CDH17: variants seen among roughly 807,000 people sequenced by gnomAD.
CDH17 encodes cadherin 17, also known as cadherin-17.
Under a neutral mutation model 86.3 loss-of-function variants are expected in CDH17, and 67 were observed. The ratio of observed to expected loss-of-function variants is 0.78; its 90% CI spans 0.64 to 0.95. CDH17 has a LOEUF of 0.95. CDH17 is among the 40% of genes least tolerant of loss of function. CDH17 has a pLI of 0.00. For synonymous variants in CDH17, 367 were observed against 366.4 expected, an observed-to-expected ratio of 1.00 and a Z score of -0.02; for missense variants, 993 against 1,017.6, an observed-to-expected ratio of 0.98 and a Z score of 0.33.
chr8:94,194,060 C>A (rs1422177812), intron 2 of CDH17, among the ~76,000 whole-genome samples: 1 of 152,050 alleles, frequency 6.6e-6, no homozygotes, highest in African/African-American at 2.4e-5. Flanking sequence ...AAAAAAGGCA[C>A]CTACTGTTTA....
intron 12 of CDH17, among the ~76,000 whole-genome samples, chr8:94,152,688 A>G (rs1279684537): frequency 1.3e-5 from 2 of 152,138 alleles, no homozygotes; most frequent in Non-Finnish European, 2.9e-5. Context: ...ATGAGCCACC[A>G]TGCCTGGCTG....
chr8:94,204,072 A>C (rs966974294), intron 1 of CDH17, among the ~76,000 whole-genome samples: 10 of 152,202 alleles, frequency 6.6e-5, no homozygotes, highest in Non-Finnish European at 1.2e-4. Context: ...GATTGATATA[A>C]TCAATTATAA....
chr8:94,166,221 C>T (rs1380426404), intron 9 of CDH17, among the ~76,000 whole-genome samples: 1 of 152,150 alleles, frequency 6.6e-6, no homozygotes, highest in African/African-American at 2.4e-5. Context: ...TTTCACAGTT[C>T]TGGAGGCCAG....
At chr8:94,211,941 A>G (rs182170472), upstream of CDH17, among the ~76,000 whole-genome samples, 73 of 152,366 alleles carry the variant, frequency 4.8e-4, no homozygotes, top group South Asian at 0.01. Flanking sequence ...AACCAAGGCC[A>G]ATAGGAACCC....
At chr8:94,215,614 T>C (rs778099176) in intron 1 of CDH17, among the ~76,000 whole-genome samples, 8 of 152,176 alleles carry the variant, frequency 5.3e-5, no homozygotes, top group Admixed American at 1.3e-4. Flanking sequence ...AACTACTGAA[T>C]TGTGCACTTT....
intron 9 of CDH17, among the ~76,000 whole-genome samples, chr8:94,168,137 T>C (rs1203681720): frequency 1.2e-4 from 13 of 110,050 alleles, no homozygotes; most frequent in Middle Eastern, 4.2e-3. Context: ...TATATATATA[T>C]ATATATATAT....
intron 3 of CDH17, among the ~76,000 whole-genome samples, chr8:94,185,536 A>G (rs968897867): frequency 2.0e-5 from 3 of 152,160 alleles, no homozygotes; most frequent in Non-Finnish European, 1.5e-5. Flanking sequence ...TAAAGCTTGT[A>G]AGTTGAAGAT....
At chr8:94,156,695 A>G (rs957248699) in intron 12 of CDH17, among the ~76,000 whole-genome samples, 1 of 152,150 alleles carries the variant, frequency 6.6e-6, no homozygotes, top group Admixed American at 6.5e-5. Flanking sequence ...TGAATTAGGC[A>G]AGTTTGGCCC....
At chr8:94,184,637 C>G (rs1002184852) in intron 3 of CDH17, among the ~76,000 whole-genome samples, 1 of 151,932 alleles carries the variant, frequency 6.6e-6, no homozygotes, top group Admixed American at 6.6e-5. Flanking sequence ...TGGAAATGTT[C>G]TGTAATTAGA....
At chr8:94,166,083 T>C in intron 9 of CDH17, 107 bp from the exon 10 acceptor site, 1 of 682,818 alleles carries the variant, frequency 1.5e-6, no homozygotes, top group South Asian at 1.9e-5. Context: ...TGAATAACTT[T>C]GAATAGCAGA....
chr8:94,137,416 A>G (rs898289129), intron 15 of CDH17, among the ~76,000 whole-genome samples: 1 of 152,144 alleles, frequency 6.6e-6, no homozygotes, highest in African/African-American at 2.4e-5. Flanking sequence ...AACAGTGAAC[A>G]AGGCTCTGTG....
chr8:94,200,656 C>A (rs932195061), intron 1 of CDH17, among the ~76,000 whole-genome samples: 1 of 147,000 alleles, frequency 6.8e-6, no homozygotes, highest in Non-Finnish European at 1.5e-5. Flanking sequence ...CCACCACTTG[C>A]TCAACAGTAG....
At chr8:94,188,801 C>T (rs79154779) in intron 3 of CDH17, among the ~76,000 whole-genome samples, 1,721 of 152,254 alleles carry the variant, frequency 0.011, 18 homozygotes, top group East Asian at 0.032. Context: ...CTAGCACTGA[C>T]TCCAGAGAAG....
chr8:94,185,550 A>T (rs1266854546), intron 3 of CDH17, among the ~76,000 whole-genome samples: 1 of 152,188 alleles, frequency 6.6e-6, no homozygotes, highest in African/African-American at 2.4e-5. Context: ...TGAAGATTGC[A>T]TCTATGTACA....
chr8:94,183,674 A>G (rs1018729495), intron 3 of CDH17, among the ~76,000 whole-genome samples: 1 of 152,144 alleles, frequency 6.6e-6, no homozygotes, highest in African/African-American at 2.4e-5. Context: ...CTTAGATATG[A>G]CATCAAAAGT....
chr8:94,200,235 C>T (rs1411989295), intron 1 of CDH17, among the ~76,000 whole-genome samples: 1 of 152,148 alleles, frequency 6.6e-6, no homozygotes, highest in Non-Finnish European at 1.5e-5. Context: ...CCCTGGGTCG[C>T]AATGGTGCTG....
At position 94,170,774 on chromosome 8, in the gene CDH17, G is replaced by A. The variant is rs1021526169; in HGVS notation, c.915+80C>T. 16 of 1,492,376 alleles carry A rather than the reference G, an allele frequency of 1.1e-5. No homozygotes were observed. In the African/African-American group the frequency reaches 1.7e-4, roughly 16 times the overall value. The allele number at this position is 1,492,376 out of a possible 1,614,324, so 92.4% of individuals were successfully genotyped here. On this transcript the variant is annotated intron_variant, in intron 8 of 17. Coordinates refer to ENST00000027335, the MANE Select transcript of CDH17 (RefSeq NM_004063.4). ...AATGTGTGTTTTTTTTTTCTTTAAA[G>A]TAAAATCCATTTTGCTCTCAACTGT...
chr8:94,191,358 ACTT>A (rs555205070), intron 2 of CDH17, among the ~76,000 whole-genome samples: 159 of 152,132 alleles, frequency 1.0e-3, no homozygotes, highest in Middle Eastern at 6.8e-3. Flanking sequence ...CCTACTTCAG[ACTT>A]CTTGTTATCT....
chr8:94,170,500 T>A lies in CDH17; in HGVS notation c.963A>T (p.Ser321=). ...CTTTTACATGAATTTCCAGCGGATA[T>A]GAAAGTGGTTTTCCGTACTCATCCT... ...VAKDEYGKPL[S]YPLEIHVKVK... Residue 321 remains serine, a synonymous_variant, in exon 9 of 18, where the codon TCA becomes TCT. Coordinates refer to ENST00000027335, the MANE Select transcript of CDH17 (RefSeq NM_004063.4). 1 of 1,613,954 alleles carries A rather than the reference T, an allele frequency of 6.2e-7. No individual in the cohort carries two copies. Among genetic ancestry groups the A allele is most frequent in the Non-Finnish European group, 8.5e-7 (1 of 1,179,880 alleles).
Sources: allele counts gnomAD v4.1 joint callset (sites outside exome capture counted in the v4.1 genomes callset), GRCh38; gene constraint gnomAD v4.1.1; transcripts MANE v1.5; gene names NCBI Gene and HGNC (gene_info 2026-07-23, HGNC 2026-07-21).